The following CDH13 variants were observed in gnomAD, a reference collection of about 807,000 sequenced individuals.
CDH13 encodes cadherin-13.
Under a neutral mutation model 63.8 loss-of-function variants are expected in CDH13, and 24 were observed. That is an observed-to-expected ratio of 0.38 (90% CI 0.27 to 0.53). The LOEUF (loss-of-function observed/expected upper bound fraction) is 0.53, where lower values mean the gene tolerates loss of function less well. Ranked by LOEUF, CDH13 falls within the 20% of genes least tolerant of loss-of-function variation. The pLI is 0.85. For synonymous variants in CDH13, 503 were observed against 355.3 expected, an observed-to-expected ratio of 1.42 and a Z score of -4.67; for missense variants, 1,049 against 903.1, an observed-to-expected ratio of 1.16 and a Z score of -2.07.
At chr16:83,451,146 A>T (rs969326679) in intron 6 of CDH13, among the ~76,000 whole-genome samples, 1 of 152,128 alleles carries the variant, frequency 6.6e-6, no homozygotes, top group African/African-American at 2.4e-5. Context: ...TTGTCTTTGT[A>T]TTACTCTGTT....
chr16:83,146,019 C>A (rs2151684923), intron 4 of CDH13, among the ~76,000 whole-genome samples: 1 of 152,100 alleles, frequency 6.6e-6, no homozygotes, highest in South Asian at 2.1e-4. Context: ...CTTGGTGAAA[C>A]CCCATCTCTG....
intron 5 of CDH13, among the ~76,000 whole-genome samples, chr16:83,224,906 C>T (rs536162104): frequency 6.6e-6 from 1 of 152,292 alleles, no homozygotes; most frequent in East Asian, 1.9e-4. Flanking sequence ...AAGCTCCCTG[C>T]AAGTACAATG....
intron 3 of CDH13, among the ~76,000 whole-genome samples, chr16:83,034,214 A>G (rs1176059645): frequency 1.3e-5 from 2 of 152,126 alleles, no homozygotes; most frequent in Non-Finnish European, 2.9e-5. Context: ...GCTTAGCCTG[A>G]GTATCCTTCT....
intron 6 of CDH13, among the ~76,000 whole-genome samples, chr16:83,373,982 C>A (rs894225338): frequency 6.6e-6 from 1 of 152,310 alleles, no homozygotes; most frequent in African/African-American, 2.4e-5. Flanking sequence ...GATCTCCAAA[C>A]GCAACAGGAA....
rs113363112 is a variant in CDH13, at chr16:83,052,652, C to T, written c.366+20434C>T. Among the ~76,000 whole-genome samples the T allele has an allele frequency of 7.6e-4, 115 of 151,784 alleles. 1 individual carries two copies. The highest frequency in any genetic ancestry group is 1.6e-3 in the African/African-American group (66 of 41,418). On this transcript the variant is annotated intron_variant, in intron 3 of 13. Transcript: ENST00000567109. The stretch of plus-strand genomic sequence containing the variant: ...AAAATTAGCCAGGCATGGTGGTGCG[C>T]GCCTTTAATCCCAGCTACTCGGGAG...
intron 2 of CDH13, among the ~76,000 whole-genome samples, chr16:82,961,509 G>A (rs1237704117): frequency 6.9e-6 from 1 of 145,340 alleles, no homozygotes; most frequent in Non-Finnish European, 1.5e-5. Context: ...AAACTATTAT[G>A]AAGCCCCTAC....
chr16:83,429,180 A>T (rs1176770680), intron 6 of CDH13, among the ~76,000 whole-genome samples: 1 of 152,210 alleles, frequency 6.6e-6, no homozygotes. Flanking sequence ...GATCTGAACA[A>T]GCCATAGCAT....
rs1177169421 is a variant in CDH13 at position 82,702,579 on chromosome 16, C to T, written c.45+75442C>T. On this transcript the variant is annotated intron_variant, in intron 1 of 13. Transcript: ENST00000567109. ...GATGAACAATTTTGGAATGTTTTATCAGTCAAATTTCTAAGAATCAATAAA... is the reference window on the plus strand; with the variant it reads ...GATGAACAATTTTGGAATGTTTTATTAGTCAAATTTCTAAGAATCAATAAA... 2.0e-5 allele frequency among the ~76,000 whole-genome samples: 3 copies of T among 152,054 alleles called. No homozygotes were observed. The East Asian group carries it at 5.8e-4, about 29-fold the overall frequency.
chr16:82,701,538 T>C (rs987984931), intron 1 of CDH13, among the ~76,000 whole-genome samples: 6 of 152,162 alleles, frequency 3.9e-5, no homozygotes, highest in African/African-American at 1.4e-4. Context: ...TGATTTAGCT[T>C]TCATGAAGGC....
chr16:83,782,853 A>T (rs559456164), intron 12 of CDH13, among the ~76,000 whole-genome samples: 1 of 152,158 alleles, frequency 6.6e-6, no homozygotes, highest in Non-Finnish European at 1.5e-5. Context: ...TTAGCTTTCT[A>T]GATGTGGAAC....
intron 1 of CDH13, among the ~76,000 whole-genome samples, chr16:82,842,535 G>A (rs2039079110): frequency 1.3e-5 from 2 of 151,972 alleles, no homozygotes; most frequent in Non-Finnish European, 2.9e-5. Flanking sequence ...ACCCCTCCAT[G>A]AGGACTCAGT....
intron 6 of CDH13, among the ~76,000 whole-genome samples, chr16:83,405,201 A>C (rs2092023711): frequency 6.6e-6 from 1 of 152,164 alleles, no homozygotes; most frequent in South Asian, 2.1e-4. Context: ...TAGAATATGG[A>C]TATACTAGCT....
At chr16:82,809,809 T>C (rs1315047888) in intron 1 of CDH13, among the ~76,000 whole-genome samples, 1 of 152,058 alleles carries the variant, frequency 6.6e-6, no homozygotes, top group Non-Finnish European at 1.5e-5. Flanking sequence ...TGATTTACCA[T>C]GCCATTAACA....
chr16:83,352,154 A>G (rs905252502), intron 6 of CDH13, among the ~76,000 whole-genome samples: 5 of 151,930 alleles, frequency 3.3e-5, no homozygotes, highest in African/African-American at 1.2e-4. Context: ...GAGTTATGGT[A>G]CAATTCACTG....
intron 6 of CDH13, among the ~76,000 whole-genome samples, chr16:83,439,674 AATGGCCTTCTTT>A (rs1292358636): frequency 1.3e-5 from 2 of 152,182 alleles, no homozygotes; most frequent in Admixed American, 6.5e-5. Flanking sequence ...ATAATTACGG[AATGGCCTTCTTT>A]ATGGTCTGAT....
At chr16:82,900,665 A>G (rs1381037978) in intron 2 of CDH13, among the ~76,000 whole-genome samples, 1 of 152,166 alleles carries the variant, frequency 6.6e-6, no homozygotes, top group Non-Finnish European at 1.5e-5. Flanking sequence ...TGATGAACCA[A>G]CGTCCCCGAG....
chr16:82,707,054 G>T (rs527911706), intron 1 of CDH13, among the ~76,000 whole-genome samples: 1 of 152,206 alleles, frequency 6.6e-6, no homozygotes, highest in Non-Finnish European at 1.5e-5. Flanking sequence ...GGAGGACAAG[G>T]CGTGGACCAT....
At chr16:83,209,886 G>A (rs1273386642) in intron 4 of CDH13, among the ~76,000 whole-genome samples, 1 of 152,098 alleles carries the variant, frequency 6.6e-6, no homozygotes, top group Admixed American at 6.5e-5. Flanking sequence ...GAAGATGAGG[G>A]CATCCCCAGC....
intron 7 of CDH13, among the ~76,000 whole-genome samples, chr16:83,543,205 A>T (rs145808996): frequency 1.1e-3 from 170 of 152,316 alleles, no homozygotes; most frequent in Middle Eastern, 0.01. Flanking sequence ...TATTTTCCTG[A>T]TGTTGCCAGA....
Sources: allele counts gnomAD v4.1 joint callset (sites outside exome capture counted in the v4.1 genomes callset), GRCh38; gene constraint gnomAD v4.1.1; transcripts MANE v1.5; gene names NCBI Gene and HGNC (gene_info 2026-07-23, HGNC 2026-07-21).